Variants in MAP3K7CL observed in about 807,000 individuals in gnomAD.
MAP3K7CL encodes MAP3K7 C-terminal like, also known as MAP3K7 C-terminal-like protein.
A neutral mutation model predicts 18.6 loss-of-function variants in MAP3K7CL; 16 were observed. That is an observed-to-expected ratio of 0.86 (90% CI 0.58 to 1.31). MAP3K7CL has a LOEUF of 1.31. MAP3K7CL is among the 50% of genes most tolerant of loss of function. MAP3K7CL has a pLI of 0.00. For missense variants in MAP3K7CL, 163 were observed against 174.4 expected (o/e 0.93, Z 0.37); for synonymous variants, 65 against 66.8 (o/e 0.97, Z 0.13).
chr21:29,092,839 GT>G (rs151106382), intron 4 of MAP3K7CL, among the ~76,000 whole-genome samples: 5 of 152,198 alleles, frequency 3.3e-5, no homozygotes, highest in Non-Finnish European at 5.9e-5. Flanking sequence ...CGACTGTGCT[GT>G]TTTTTTACTC....
At chr21:29,129,817 A>G (rs1285418525), upstream of MAP3K7CL, among the ~76,000 whole-genome samples, 1 of 152,220 alleles carries the variant, frequency 6.6e-6, no homozygotes, top group Admixed American at 6.5e-5. Flanking sequence ...CCAACATTTG[A>G]TGTTGTCAGT....
chr21:29,085,899 C>A (rs767288735), exon 1 of MAP3K7CL: 6 of 1,614,072 alleles, frequency 3.7e-6, no homozygotes, highest in Admixed American at 3.3e-5. Context: ...TTATGTGGAA[C>A]GAGGCAGCAG....
rs1031312176 is a variant in MAP3K7CL at position 29,149,198 on chromosome 21, C to T, written c.80C>T (p.Pro27Leu). The T allele has an allele frequency of 1.9e-6, 3 of 1,613,766 alleles. No homozygotes were observed. Among genetic ancestry groups the T allele is most frequent in the Non-Finnish European group, 1.7e-6 (2 of 1,179,698 alleles). The stretch of plus-strand genomic sequence containing the variant: ...TATTTCCTTGTTTTAGATGATACAC[C>T]CCCTGAAGACTCCATTCCTTTGGTC... ...FSLNDASDDT[P>L]PEDSIPLVFP... Residue 27 changes from proline to leucine, a missense_variant, in exon 3 of 5, where the codon CCC becomes CTC. By Grantham distance (98) the Pro-to-Leu change is moderately conservative (BLOSUM62 -3). Coordinates refer to ENST00000399928, the MANE Select transcript of MAP3K7CL (RefSeq NM_001286620.2).
rs531458481 is a variant in MAP3K7CL, at chr21:29,139,660, C to T, written c.70+6246C>T. ...AGTGCAGTGGTGTGATCTCGGCTCA[C>T]TGCAACCTTCACCTCCAGGGTTCAA... is the stretch of plus-strand genomic sequence containing the variant. On this transcript the variant is annotated intron_variant, in intron 2 of 4. Coordinates refer to ENST00000399928, the MANE Select transcript of MAP3K7CL (RefSeq NM_001286620.2). Among the ~76,000 whole-genome samples, 4 of 152,020 alleles carry T rather than the reference C, an allele frequency of 2.6e-5. No individual in the cohort carries two copies. In the East Asian group the frequency reaches 5.8e-4, roughly 22 times the overall value.
upstream of MAP3K7CL, among the ~76,000 whole-genome samples, chr21:29,129,335 A>G (rs898106230): frequency 6.6e-6 from 1 of 152,176 alleles, no homozygotes; most frequent in African/African-American, 2.4e-5. Flanking sequence ...CCACCTATTC[A>G]TCCTTCCTTT....
At chr21:29,129,000 T>G (rs1318789623), upstream of MAP3K7CL, among the ~76,000 whole-genome samples, 2 of 152,208 alleles carry the variant, frequency 1.3e-5, no homozygotes, top group Non-Finnish European at 2.9e-5. Context: ...AAATTAGCCT[T>G]CCATTCATTA....
At chr21:29,095,659 G>C (rs1389767589) in intron 4 of MAP3K7CL, among the ~76,000 whole-genome samples, 1 of 152,180 alleles carries the variant, frequency 6.6e-6, no homozygotes, top group East Asian at 1.9e-4. Context: ...AACATCTGCT[G>C]TGACCAACTA....
rs537276220 is a variant in MAP3K7CL at position 29,078,509 on chromosome 21, ATGCTGGGCATCATTGCTGCTT to A, written c.-49+800_-49+820del. Among the ~76,000 whole-genome samples, 184 of 152,304 alleles carry A rather than the reference ATGCTGGGCATCATTGCTGCTT, an allele frequency of 1.2e-3. 1 individual carries two copies. The highest frequency in any genetic ancestry group is 3.4e-3 in the Middle Eastern group (1 of 294). ...CGTGGCTTAGGGTGAAAGCACAGGC[ATGCTGGGCATCATTGCTGCTT>A]TGCACTGATCAGAGAAGGAGAGACT... is the stretch of plus-strand genomic sequence containing the variant. On this transcript the variant is annotated intron_variant, in intron 1 of 7. Coordinates refer to the MAP3K7CL transcript ENST00000341618.
intron 4 of MAP3K7CL, chr21:29,109,634 A>G: frequency 2.0e-6 from 2 of 995,154 alleles, no homozygotes; most frequent in Non-Finnish European, 2.4e-6. Context: ...TGATATAGTA[A>G]TGATGAATGT....
chr21:29,161,265 A>G (rs1223436345), intron 4 of MAP3K7CL, among the ~76,000 whole-genome samples: 1 of 152,178 alleles, frequency 6.6e-6, no homozygotes, highest in Non-Finnish European at 1.5e-5. Flanking sequence ...AGCTGAGATC[A>G]CGTGCCACTA....
At chr21:29,086,770 C>A (rs2085931947) in intron 1 of MAP3K7CL, among the ~76,000 whole-genome samples, 1 of 152,092 alleles carries the variant, frequency 6.6e-6, no homozygotes, top group Non-Finnish European at 1.5e-5. Context: ...ATAACTTGAC[C>A]CTGAGTTTTA....
chr21:29,143,219 T>C (rs537315787), intron 2 of MAP3K7CL, among the ~76,000 whole-genome samples: 134 of 152,188 alleles, frequency 8.8e-4, no homozygotes, highest in African/African-American at 3.1e-3. Flanking sequence ...GTGGGGCCCG[T>C]CTGGAGGGCG....
rs1412039146 is a variant in MAP3K7CL, at chr21:29,133,403, A to G, written c.59A>G (p.Asn20Ser). 2.3e-5 allele frequency: 35 copies of G among 1,548,034 alleles called. No homozygotes were observed. Among genetic ancestry groups the G allele is most frequent in the Middle Eastern group, 3.3e-4 (2 of 5,982 alleles). Residue 20 changes from asparagine to serine, a missense_variant, in exon 2 of 5, where the codon AAT becomes AGT. Physicochemically the swap from Asn to Ser is conservative, Grantham distance 46. Coordinates refer to ENST00000399928, the MANE Select transcript of MAP3K7CL (RefSeq NM_001286620.2). ...DKPVRIAFSL[N>S]DASDDTPPED... is the part of the protein sequence containing the mutation. ...CCTGTACGCATCGCCTTTAGCCTCAATGACGCCTCAGGTATACTCTGCTCT... is the reference window on the plus strand; with the variant it reads ...CCTGTACGCATCGCCTTTAGCCTCAGTGACGCCTCAGGTATACTCTGCTCT...
At chr21:29,084,443 A>G (rs554176928), upstream of MAP3K7CL, among the ~76,000 whole-genome samples, 3 of 152,338 alleles carry the variant, frequency 2.0e-5, no homozygotes, top group African/African-American at 7.2e-5. Flanking sequence ...TAGTTGGATT[A>G]GTAACGATGC....
At chr21:29,158,879 TA>T (rs962142123) in intron 3 of MAP3K7CL, among the ~76,000 whole-genome samples, 7 of 147,524 alleles carry the variant, frequency 4.7e-5, no homozygotes, top group East Asian at 3.9e-4. Flanking sequence ...AAGGGTGATT[TA>T]AAAAAAAACT....
At chr21:29,153,043 A>AT (rs2087314149) in intron 3 of MAP3K7CL, among the ~76,000 whole-genome samples, 1 of 152,090 alleles carries the variant, frequency 6.6e-6, no homozygotes, top group Admixed American at 6.5e-5. Flanking sequence ...GACCCCCAGG[A>AT]TTTTTCTGTT....
chr21:29,148,992 G>C (rs540970854), intron 2 of MAP3K7CL, among the ~76,000 whole-genome samples, 197 bp from the exon 3 acceptor site: 1 of 152,230 alleles, frequency 6.6e-6, no homozygotes, highest in Non-Finnish European at 1.5e-5. Flanking sequence ...GCAAAATTTT[G>C]TTCAGGCGAC....
intron 1 of MAP3K7CL, among the ~76,000 whole-genome samples, chr21:29,078,808 A>G (rs1354977141): frequency 6.6e-6 from 1 of 152,184 alleles, no homozygotes; most frequent in Non-Finnish European, 1.5e-5. Flanking sequence ...GACTCGGCCT[A>G]CGACTACCAT....
At chr21:29,088,136 C>T (rs931981770) in intron 1 of MAP3K7CL, among the ~76,000 whole-genome samples, 1 of 152,148 alleles carries the variant, frequency 6.6e-6, no homozygotes, top group African/African-American at 2.4e-5. Context: ...GAGAGCAGAG[C>T]TGGAAAAACA....
Sources: gnomAD v4.1 joint callset for allele counts (sites outside exome capture counted in the v4.1 genomes callset) on GRCh38, gnomAD v4.1.1 for gene constraint, MANE v1.5 for transcripts, NCBI Gene and HGNC (gene_info 2026-07-23, HGNC 2026-07-21) for gene names.